Variants in ADGRV1 observed in about 807,000 individuals in gnomAD.
ADGRV1 encodes the protein adhesion G protein-coupled receptor V1.
Under a neutral mutation model 596.2 loss-of-function variants are expected in ADGRV1, and 359 were observed. The ratio of observed to expected loss-of-function variants is 0.60; its 90% CI spans 0.55 to 0.66. The LOEUF (loss-of-function observed/expected upper bound fraction) is 0.66. Ranked by LOEUF, ADGRV1 falls within the 30% of genes least tolerant of loss-of-function variation. The probability of loss-of-function intolerance (pLI) is 0.00; values close to 1 mark genes in which losing one functional copy is unlikely to be tolerated. For missense variants in ADGRV1, 7,274 were observed against 7,575.6 expected, an observed-to-expected ratio of 0.96 and a Z score of 1.48; for synonymous variants, 2,681 against 2,679.2, an observed-to-expected ratio of 1.00 and a Z score of -0.02.
chr5:90,657,006 T>G (rs1039963090), intron 20 of ADGRV1, among the ~76,000 whole-genome samples: 1 of 152,108 alleles, frequency 6.6e-6, no homozygotes, highest in Admixed American at 6.5e-5. Context: ...GATAGAGAGA[T>G]ATATTTGGCC....
At chr5:90,759,697 G>C in intron 58 of ADGRV1, 109 bp downstream of exon 58, 2 of 930,482 alleles carry the variant, frequency 2.1e-6, no homozygotes, top group South Asian at 2.8e-5. Flanking sequence ...CAGGCATGGT[G>C]GCTCATGCCA....
intron 85 of ADGRV1, among the ~76,000 whole-genome samples, chr5:91,050,288 G>A (rs999731932): frequency 5.8e-4 from 89 of 152,224 alleles, no homozygotes; most frequent in African/African-American, 2.0e-3. Context: ...AGACATCAGC[G>A]GTCTAGCTCC....
intron 87 of ADGRV1, among the ~76,000 whole-genome samples, chr5:91,144,727 A>C (rs909187457): frequency 6.6e-6 from 1 of 152,254 alleles, no homozygotes; most frequent in Non-Finnish European, 1.5e-5. Context: ...AAAGAATAGG[A>C]AGAACAGATG....
intron 34 of ADGRV1, among the ~76,000 whole-genome samples, chr5:90,701,835 A>G (rs1028937437): frequency 1.3e-5 from 2 of 151,804 alleles, no homozygotes; most frequent in Admixed American, 6.6e-5. Flanking sequence ...TCTGTGTCTA[A>G]ACTTGCAACT....
chr5:90,966,530 CA>C (rs67304974), intron 84 of ADGRV1, among the ~76,000 whole-genome samples: 14,868 of 100,470 alleles, frequency 0.15, 698 homozygotes, highest in East Asian at 0.3. Context: ...GAAACTCTGC[CA>C]AAAAAAAAAA....
At chr5:90,966,127 C>G (rs1421921424) in intron 84 of ADGRV1, among the ~76,000 whole-genome samples, 1 of 152,082 alleles carries the variant, frequency 6.6e-6, no homozygotes, top group Non-Finnish European at 1.5e-5. Flanking sequence ...GGCCGGGTAT[C>G]TGGTGGATAG....
rs778401921 is a variant in ADGRV1 at position 90,805,245 on chromosome 5, A to C, written c.14662-39A>C. 1.5e-5 allele frequency: 23 copies of C among 1,574,178 alleles called. No individual in the cohort carries two copies. In the Admixed American group the frequency reaches 3.7e-4, roughly 26 times the overall value. On this transcript the variant is annotated intron_variant, in intron 71 of 89. Coordinates refer to ENST00000405460, the MANE Select transcript of ADGRV1 (RefSeq NM_032119.4). Reference sequence around the variant, plus strand: ...CATTCCTCAGAAAACAGGAAGGTTTAGAGAGAAATAAAATACTCTAAGCAT... The same window carrying C: ...CATTCCTCAGAAAACAGGAAGGTTTCGAGAGAAATAAAATACTCTAAGCAT...
intron 87 of ADGRV1, among the ~76,000 whole-genome samples, chr5:91,118,744 A>T (rs1793062236): frequency 6.6e-6 from 1 of 152,098 alleles, no homozygotes; most frequent in African/African-American, 2.4e-5. Flanking sequence ...GAATTCCTCG[A>T]GCACTTTTTT....
chr5:91,078,361 G>T (rs896842523), intron 86 of ADGRV1, among the ~76,000 whole-genome samples: 24 of 152,126 alleles, frequency 1.6e-4, no homozygotes, highest in Admixed American at 1.0e-3. Flanking sequence ...AAAGGAAAGA[G>T]CTCCTGGTAA....
intron 87 of ADGRV1, among the ~76,000 whole-genome samples, chr5:91,148,666 C>A (rs1207229701): frequency 6.6e-6 from 1 of 152,172 alleles, no homozygotes; most frequent in Non-Finnish European, 1.5e-5. Context: ...CACAGAGTCC[C>A]CACTGGGGCA....
At chr5:90,748,814 T>TTTTTTTG (rs1324042531) in intron 52 of ADGRV1, among the ~76,000 whole-genome samples, 14 of 14,294 alleles carry the variant, frequency 9.8e-4, no homozygotes, top group African/African-American at 6.3e-3. Flanking sequence ...TATCATCAAG[T>TTTTTTTG]TTTTTTTTGT....
At chr5:90,793,628 G>A (rs1024649861) in intron 70 of ADGRV1, among the ~76,000 whole-genome samples, 5 of 152,184 alleles carry the variant, frequency 3.3e-5, no homozygotes, top group Admixed American at 2.6e-4. Context: ...TTTGAAGCAT[G>A]TGGTAGTGCA....
At chr5:90,709,249 T>C (rs1435037953) in intron 39 of ADGRV1, among the ~76,000 whole-genome samples, 1 of 152,218 alleles carries the variant, frequency 6.6e-6, no homozygotes, top group African/African-American at 2.4e-5. Context: ...CAGATGTTTT[T>C]ATTTTCTTTT....
intron 21 of ADGRV1, among the ~76,000 whole-genome samples, chr5:90,666,300 T>G (rs927782299): frequency 5.9e-5 from 9 of 152,152 alleles, no homozygotes; most frequent in Admixed American, 2.0e-4. Flanking sequence ...GGGTGCTCCT[T>G]TGTTGGGTGC....
At chr5:91,141,380 A>C (rs890138254) in intron 87 of ADGRV1, among the ~76,000 whole-genome samples, 4 of 152,256 alleles carry the variant, frequency 2.6e-5, no homozygotes, top group Non-Finnish European at 5.9e-5. Flanking sequence ...TATTTTAAAA[A>C]GCATTTGAGC....
At chr5:90,691,999 CT>C (rs1232441227) in intron 31 of ADGRV1, among the ~76,000 whole-genome samples, 4 of 152,004 alleles carry the variant, frequency 2.6e-5, no homozygotes, top group African/African-American at 9.7e-5. Context: ...CATAAAATTA[CT>C]TTTGATAGCA....
chr5:90,668,654 T>G (rs1771964990), intron 21 of ADGRV1, among the ~76,000 whole-genome samples: 1 of 152,182 alleles, frequency 6.6e-6, no homozygotes, highest in Non-Finnish European at 1.5e-5. Context: ...TTTTTTTTAA[T>G]GGACGCTTGA....
In ADGRV1 at chr5:91,105,328, ATT is replaced by A. The variant is rs542930241; in HGVS notation, c.18432+2991_18432+2992del. 7.9e-5 allele frequency among the ~76,000 whole-genome samples: 12 copies of A among 152,136 alleles called. No individual in the cohort carries two copies. The South Asian group carries it at 2.5e-3, about 32-fold the overall frequency. On this transcript the variant is annotated intron_variant, in intron 87 of 89. Coordinates refer to ENST00000405460, the MANE Select transcript of ADGRV1 (RefSeq NM_032119.4). ...GTGCAGATGTCTCTTCAATACACTGATTTTCTTTCCTTAGGATAAATGCTCAG... is the reference window on the plus strand; with the variant it reads ...GTGCAGATGTCTCTTCAATACACTGATTCTTTCCTTAGGATAAATGCTCAG...
intron 83 of ADGRV1, among the ~76,000 whole-genome samples, chr5:90,940,497 C>T (rs1430607277): frequency 6.6e-6 from 1 of 152,176 alleles, no homozygotes; most frequent in Non-Finnish European, 1.5e-5. Context: ...CAGTACAATG[C>T]TCTGTTTAAT....
Sources: gnomAD v4.1 joint callset for allele counts (sites outside exome capture counted in the v4.1 genomes callset) on GRCh38, gnomAD v4.1.1 for gene constraint, MANE v1.5 for transcripts, NCBI Gene and HGNC (gene_info 2026-07-23, HGNC 2026-07-21) for gene names.